The following CETP variants were observed in gnomAD, a reference collection of about 807,000 sequenced individuals.
CETP encodes the protein BPI fold containing family F.
Under a neutral mutation model 66.5 loss-of-function variants are expected in CETP, and 56 were observed. The observed-to-expected ratio is 0.84, with a 90% CI of 0.68 to 1.05. The LOEUF is 1.05. CETP is among the 50% of genes least tolerant of loss of function. CETP has a pLI of 0.00. For missense variants in CETP, 612 were observed against 609.6 expected, an observed-to-expected ratio of 1.00 and a Z score of -0.04; for synonymous variants, 251 against 245.7, an observed-to-expected ratio of 1.02 and a Z score of -0.20.
intron 2 of CETP, among the ~76,000 whole-genome samples, chr16:56,966,231 C>T (rs1270538308): frequency 6.6e-6 from 1 of 152,212 alleles, no homozygotes; most frequent in Non-Finnish European, 1.5e-5. Context: ...TTAATTCCCT[C>T]GCTTTCTGCA....
At chr16:56,977,273 G>A (rs4784744) in intron 10 of CETP, among the ~76,000 whole-genome samples, 45,637 of 151,922 alleles carry the variant, frequency 0.3, 7,683 homozygotes, top group East Asian at 0.57. Flanking sequence ...TGTATCCAGC[G>A]GTTCAGTGGT....
chr16:56,965,958 G>T (rs1483761257), intron 2 of CETP, among the ~76,000 whole-genome samples: 1 of 152,060 alleles, frequency 6.6e-6, no homozygotes, highest in Non-Finnish European at 1.5e-5. Context: ...TGCCCCCGGG[G>T]CCTAGCTGAG....
chr16:56,966,371 A>T (rs2056066146), intron 2 of CETP, among the ~76,000 whole-genome samples: 1 of 152,108 alleles, frequency 6.6e-6, no homozygotes, highest in African/African-American at 2.4e-5. Flanking sequence ...GATTGTCCCA[A>T]GTCCTGTCCT....
In CETP at chr16:56,983,581, C is replaced by A; in HGVS notation, c.1408-11C>A. The A allele has an allele frequency of 1.2e-6, 2 of 1,614,114 alleles. No individual in the cohort carries two copies. On this transcript the variant is annotated splice_polypyrimidine_tract_variant and intron_variant, in intron 15 of 15. Transcript: ENST00000200676. ...CAGCTCGCCCCTCTCTCCTACTGCC[C>A]CTCCCTTCAGGGCTTCCTGCTGCTG...
At chr16:56,972,691 C>T (rs1269844008) in intron 8 of CETP, among the ~76,000 whole-genome samples, 2 of 152,174 alleles carry the variant, frequency 1.3e-5, no homozygotes, top group Admixed American at 6.5e-5. Context: ...ATCGCAGGAC[C>T]CCACCCTAGC....
At position 56,969,418 on chromosome 16, in the gene CETP, G is replaced by T; in HGVS notation, c.266G>T (p.Ser89Ile). 6.2e-7 allele frequency: 1 copy of T among 1,614,142 alleles called. No individual in the cohort carries two copies. The highest frequency in any genetic ancestry group is 8.5e-7 in the Non-Finnish European group (1 of 1,180,042). ...ATCAGCCACTTGTCCATCGCCAGCA[G>T]CCAGGTGGAGCTGGTGGAAGCCAAG... ...IQISHLSIAS[S>I]QVELVEAKSI... Residue 89 changes from serine to isoleucine, a missense_variant, in exon 3 of 16, where the codon AGC becomes ATC. By Grantham distance (142) the Ser-to-Ile change is moderately radical (BLOSUM62 -2). Transcript: ENST00000200676.
intron 2 of CETP, among the ~76,000 whole-genome samples, chr16:56,969,182 A>G (rs776820969): frequency 1.3e-5 from 2 of 152,008 alleles, no homozygotes; most frequent in African/African-American, 4.8e-5. Flanking sequence ...TAACTTAACC[A>G]TACTTTCATA....
chr16:56,969,869 C>A (rs368552601), intron 4 of CETP, 45 bp from the exon 5 acceptor site: 167 of 1,596,786 alleles, frequency 1.0e-4, no homozygotes, highest in Non-Finnish European at 1.4e-4. Flanking sequence ...TGGATACCAT[C>A]TGATAGCGGA....
intron 10 of CETP, among the ~76,000 whole-genome samples, chr16:56,977,888 T>A (rs2142003763): frequency 1.3e-5 from 2 of 152,274 alleles, no homozygotes; most frequent in Middle Eastern, 6.8e-3. Flanking sequence ...ATAGCTTCAC[T>A]AGCACACAGA....
In CETP at chr16:56,963,063, C is replaced by T; in HGVS notation, c.172C>T (p.Pro58Ser). 1 of 1,614,192 alleles carries T rather than the reference C, an allele frequency of 6.2e-7. No individual in the cohort carries two copies. Among genetic ancestry groups the T allele is most frequent in the Admixed American group, 1.7e-5 (1 of 60,026 alleles). ...IQTAFQRASY[P>S]DITGEKAMML... The stretch of plus-strand genomic sequence containing the variant: ...GACCGCCTTCCAGCGAGCCAGCTAC[C>T]CAGATATCACGGGCGAGAAGGCCAT... Residue 58 changes from proline (P) to serine (S), a missense_variant, in exon 2 of 16, where the codon CCA (proline) becomes TCA (serine). Transcript: ENST00000200676.
At chr16:56,965,951 C>G (rs1179337395) in intron 2 of CETP, among the ~76,000 whole-genome samples, 5 of 152,174 alleles carry the variant, frequency 3.3e-5, no homozygotes, top group African/African-American at 9.7e-5. Flanking sequence ...CCACCTCTGC[C>G]CCCGGGGCCT....
At chr16:56,983,511 G>A in intron 15 of CETP, 81 bp from the exon 16 acceptor site, 1 of 1,593,546 alleles carries the variant, frequency 6.3e-7, no homozygotes, top group Non-Finnish European at 8.6e-7. Flanking sequence ...CAGACAGAGG[G>A]GCCTCTACCA....
Position 56,981,664 on chromosome 16 carries a change from TTTCCAAC to T in CETP, c.1235_1241del (p.Ser412Ter), listed in dbSNP as rs2056189481. ...TATTTCAGGATTACACCAAAGACTG[TTTCCAAC>T]TTGACTGAGGTAGGTAGTCTTGGAT... On this transcript the variant is annotated frameshift_variant, in exon 13 of 16. Transcript: ENST00000200676. LOFTEE classifies it high-confidence loss of function. 1.9e-6 allele frequency: 3 copies of T among 1,613,852 alleles called. No individual in the cohort carries two copies. The highest frequency in any genetic ancestry group is 2.5e-6 in the Non-Finnish European group (3 of 1,179,844).
chr16:56,982,715 G>A (rs1161419429), intron 14 of CETP, among the ~76,000 whole-genome samples: 1 of 152,216 alleles, frequency 6.6e-6, no homozygotes, highest in Non-Finnish European at 1.5e-5. Context: ...GCACACGTGT[G>A]CTGGGGGTAT....
intron 15 of CETP, 78 bp from the exon 16 acceptor site, chr16:56,983,514 C>T: frequency 6.3e-7 from 1 of 1,594,466 alleles, no homozygotes; most frequent in Non-Finnish European, 8.6e-7. Context: ...ACAGAGGGGC[C>T]TCTACCAGCT....
chr16:56,970,654 T>C (rs1024696049), intron 5 of CETP, among the ~76,000 whole-genome samples: 6 of 152,224 alleles, frequency 3.9e-5, no homozygotes, highest in Admixed American at 2.0e-4. Context: ...TCCCTAGTCA[T>C]GTTACCAATG....
At chr16:56,963,990 TTTTATTTATTTATTTATTTATTTA>T (rs60705829) in intron 2 of CETP, among the ~76,000 whole-genome samples, 26,920 of 132,252 alleles carry the variant, frequency 0.2, 2,888 homozygotes, top group African/African-American at 0.26. Flanking sequence ...TTAATCTTTA[TTTTATTTATTTATTTATTTATTTA>T]TTTATTTATT....
At chr16:56,966,895 G>A (rs181500466) in intron 2 of CETP, among the ~76,000 whole-genome samples, 51 of 151,740 alleles carry the variant, frequency 3.4e-4, no homozygotes, top group East Asian at 9.8e-4. Flanking sequence ...GATTATAGGC[G>A]TGAGCCACGG....
intron 10 of CETP, among the ~76,000 whole-genome samples, chr16:56,977,643 G>A (rs2056158851): frequency 2.0e-5 from 3 of 152,264 alleles, no homozygotes; most frequent in African/African-American, 4.8e-5. Flanking sequence ...CAGCTCCTGC[G>A]CTCTCTGCTC....
Sources: gnomAD v4.1 joint callset for allele counts (sites outside exome capture counted in the v4.1 genomes callset) on GRCh38, gnomAD v4.1.1 for gene constraint, MANE v1.5 for transcripts, NCBI Gene and HGNC (gene_info 2026-07-23, HGNC 2026-07-21) for gene names.